The following DAPK3 variants were observed in gnomAD, a reference collection of about 807,000 sequenced individuals.
The protein encoded by DAPK3 is death-associated protein kinase 3.
Under a neutral mutation model 30.6 loss-of-function variants are expected in DAPK3, and 24 were observed. The observed-to-expected ratio is 0.78, with a 90% CI of 0.57 to 1.10. DAPK3 has a LOEUF of 1.10. Ranked by LOEUF, DAPK3 falls within the 50% of genes least tolerant of loss-of-function variation. The pLI, the probability that DAPK3 is intolerant of heterozygous loss-of-function variation, is 0.00. For missense variants in DAPK3, 629 were observed against 657.3 expected, an observed-to-expected ratio of 0.96 and a Z score of 0.47; for synonymous variants, 341 against 284.0, an observed-to-expected ratio of 1.20 and a Z score of -2.02.
At chr19:3,963,532 C>T (rs749617624) in intron 6 of DAPK3, 111 bp downstream of exon 6, 20 of 625,478 alleles carry the variant, frequency 3.2e-5, no homozygotes, top group Middle Eastern at 5.2e-4. Flanking sequence ...TGAGTACCCG[C>T]GATGGGTCAC....
chr19:3,961,583 G>A (rs2039515043), intron 6 of DAPK3: 13 of 469,384 alleles, frequency 2.8e-5, no homozygotes, highest in South Asian at 2.0e-4. Context: ...ACGCTGGGAG[G>A]GTGACACAGC....
Position 3,959,204 on chromosome 19 carries a change from TC to T in DAPK3, c.1261del (p.Glu421ArgfsTer7), listed in dbSNP as rs1274557069. The T allele has an allele frequency of 6.2e-7, 1 of 1,600,236 alleles. No individual in the cohort carries two copies. Among genetic ancestry groups the T allele is most frequent in the Non-Finnish European group, 8.5e-7 (1 of 1,177,794 alleles). On this transcript the variant is annotated frameshift_variant, in exon 9 of 9. Coordinates refer to ENST00000545797, the MANE Select transcript of DAPK3 (RefSeq NM_001348.3). LOFTEE classifies it low-confidence loss of function (END_TRUNC). ...GGAGGCTACTTGCTTGGCCAGCGCC[TC>T]GTAGCGGTTCTCCAGGCGGCTGAAG... is the stretch of plus-strand genomic sequence containing the variant. ...RRFSRLENRY[E>X]ALAKQVASEM...
At chr19:3,964,095 C>A (rs2039548157) in intron 4 of DAPK3, 149 bp downstream of exon 4, 1 of 839,080 alleles carries the variant, frequency 1.2e-6, no homozygotes, top group South Asian at 1.7e-5. Context: ...CAAATGGAGG[C>A]CCAGACCTCC....
In DAPK3 at chr19:3,964,935, G is replaced by T; in HGVS notation, c.119C>A (p.Ala40Glu). 1 of 1,612,154 alleles carries T rather than the reference G, an allele frequency of 6.2e-7. No individual in the cohort carries two copies. The highest frequency in any genetic ancestry group is 8.5e-7 in the Non-Finnish European group (1 of 1,178,658). The change falls in exon 3 of 9, where the codon GCA becomes GAA. Residue 40 changes from alanine to glutamate, a missense_variant. By Grantham distance (107) the Ala-to-Glu change is moderately radical. Around this residue, in one of 2 missense-constraint regions of DAPK3, gnomAD observed 306 missense variants for 378.5 expected, o/e 0.81. Transcript: ENST00000545797. ...CRQKGTGKEYAAKFIKKRRLS... is the reference protein window; with the variant it reads ...CRQKGTGKEYEAKFIKKRRLS... ...GCGGCGCTTCTTGATGAACTTGGCTGCGTACTCCTTGCCCGTGCCCTTCTG... is the reference window on the plus strand; with the variant it reads ...GCGGCGCTTCTTGATGAACTTGGCTTCGTACTCCTTGCCCGTGCCCTTCTG...
chr19:3,963,548 G>A (rs2039541168), intron 6 of DAPK3, 95 bp downstream of exon 6: 2 of 734,858 alleles, frequency 2.7e-6, no homozygotes, highest in South Asian at 1.8e-5. Context: ...GTCACAGCCA[G>A]GCTGGGGACC....
At position 3,961,175 on chromosome 19, in the gene DAPK3, G is replaced by T; in HGVS notation, c.630-14C>A. 1 of 1,607,108 alleles carries T rather than the reference G, an allele frequency of 6.2e-7. No homozygotes were observed. The highest frequency in any genetic ancestry group is 8.5e-7 in the Non-Finnish European group (1 of 1,176,990). ...GCACCGCTCAGGCTGCGAGACAGGC[G>T]TGGGGGCTCAGTGGGGTCCTGGGCT... On this transcript the variant is annotated splice_polypyrimidine_tract_variant and intron_variant, in intron 6 of 8. Transcript: ENST00000545797.
At chr19:3,969,871 C>A in intron 1 of DAPK3, 42 bp from the exon 2 acceptor site, 1 of 646,458 alleles carries the variant, frequency 1.5e-6, no homozygotes, top group Non-Finnish European at 2.8e-6. Context: ...AACTGAGACA[C>A]CACCCTTTTC....
rs752202554 is a variant in DAPK3, at chr19:3,959,387, T to C, written c.1079A>G (p.Tyr360Cys). The change falls in exon 9 of 9, where the codon TAC becomes TGC. Residue 360 changes from tyrosine (Y) to cysteine (C), a missense_variant. By Grantham distance (194) the Tyr-to-Cys change is radical. Coordinates refer to ENST00000545797, the MANE Select transcript of DAPK3 (RefSeq NM_001348.3). ...GCGGTACCAGGCCTCCTTCTCCTCG[T>C]AGATGGCGGCCAGCGCCTCCACGTC... ...HEDVEALAAI[Y>C]EEKEAWYREE... The C allele has an allele frequency of 6.4e-7, 1 of 1,573,918 alleles. No individual in the cohort carries two copies. Among genetic ancestry groups the C allele is most frequent in the South Asian group, 1.1e-5 (1 of 87,620 alleles).
chr19:3,960,268 T>TGG (rs1351537219), intron 7 of DAPK3, among the ~76,000 whole-genome samples, 164 bp from the exon 8 acceptor site: 1 of 151,948 alleles, frequency 6.6e-6, no homozygotes, highest in East Asian at 1.9e-4. Context: ...TGGGGTTTTC[T>TGG]GGGGGGTGGT....
At chr19:3,961,702 C>T (rs1164705378) in intron 6 of DAPK3, 1 of 356,150 alleles carries the variant, frequency 2.8e-6, no homozygotes, top group Non-Finnish European at 5.6e-6. Flanking sequence ...AAACACCTGA[C>T]CCGTGAGCAC....
Position 3,966,207 on chromosome 19 carries a change from G to A in DAPK3, c.63-1216C>T, listed in dbSNP as rs116341158. On this transcript the variant is annotated intron_variant, in intron 2 of 8. Transcript: ENST00000545797. ...AGGTGCTGCAGGCTCCAGAGCCCAG[G>A]TGCTCTAACAGGAAGCAGACAGCTG... Among the ~76,000 whole-genome samples, 1,169 of 152,260 alleles carry A rather than the reference G, an allele frequency of 7.7e-3. 19 individuals carry two copies. Among genetic ancestry groups the A allele is most frequent in the African/African-American group, 0.027 (1,115 of 41,548 alleles).
chr19:3,964,542 C>T lies in DAPK3; in HGVS notation c.423+89G>A, dbSNP rs553331630. On this transcript the variant is annotated intron_variant, in intron 3 of 8. Coordinates refer to ENST00000545797, the MANE Select transcript of DAPK3 (RefSeq NM_001348.3). ...CCACGCTCCCCACACCTCACCCCCA[C>T]GCGCAGGAGGTGCCTTCCAGGCTCT... The T allele has an allele frequency of 5.6e-6, 8 of 1,440,408 alleles. No individual in the cohort carries two copies. In the Admixed American group the frequency reaches 5.8e-5, roughly 10 times the overall value. 89.2% of individuals were successfully genotyped at this position (1,440,408 alleles called of 1,614,324 possible).
Position 3,963,937 on chromosome 19 carries a change from G to A in DAPK3, c.554-18C>T, listed in dbSNP as rs776129186. ...CTCTGGGGCTGCAGAACAGGGAGAT[G>A]TGGGTCAGGCACTGGGGACATGCTG... On this transcript the variant is annotated intron_variant, in intron 4 of 8. Coordinates refer to ENST00000545797, the MANE Select transcript of DAPK3 (RefSeq NM_001348.3). The A allele has an allele frequency of 1.3e-6, 2 of 1,569,066 alleles. No individual in the cohort carries two copies. The highest frequency in any genetic ancestry group is 1.8e-6 in the Non-Finnish European group (2 of 1,141,780).
intron 6 of DAPK3, among the ~76,000 whole-genome samples, chr19:3,963,034 G>C (rs1451296750): frequency 6.6e-6 from 1 of 151,974 alleles, no homozygotes; most frequent in Non-Finnish European, 1.5e-5. Flanking sequence ...CCTGGGAGGT[G>C]GGGGTTGCAG....
rs1045682427 is a variant in DAPK3, at chr19:3,960,161, G to A, written c.783-57C>T. 1.3e-5 allele frequency: 13 copies of A among 965,130 alleles called. No homozygotes were observed. In the South Asian group the frequency reaches 1.8e-4, roughly 13 times the overall value. The allele number at this position is 965,130 out of a possible 1,614,324, so 59.8% of individuals were successfully genotyped here. On this transcript the variant is annotated intron_variant, in intron 7 of 8. Transcript: ENST00000545797. ...TGCACCATCTGTCCCGTCCTCCCGT[G>A]AACAACTGACTCCCGGGACCCCCAA... is the stretch of plus-strand genomic sequence containing the variant.
chr19:3,968,908 G>C (rs192891074), intron 2 of DAPK3, among the ~76,000 whole-genome samples: 2 of 152,344 alleles, frequency 1.3e-5, no homozygotes, highest in African/African-American at 4.8e-5. Flanking sequence ...TGCCTGGCTA[G>C]TCTGGAGGGG....
intron 2 of DAPK3, among the ~76,000 whole-genome samples, chr19:3,967,108 G>A (rs2039586195): frequency 6.6e-6 from 1 of 152,152 alleles, no homozygotes; most frequent in Non-Finnish European, 1.5e-5. Flanking sequence ...ACCCAAGCGT[G>A]GCCTACACAC....
Position 3,969,824 on chromosome 19 carries a change from G to A in DAPK3, c.-89C>T, listed in dbSNP as rs1844764015. 1 of 865,758 alleles carries A rather than the reference G, an allele frequency of 1.2e-6. No individual in the cohort carries two copies. Among genetic ancestry groups the A allele is most frequent in the South Asian group, 1.4e-5 (1 of 73,432 alleles). The allele number at this position is 865,758 out of a possible 1,614,324, so 53.6% of individuals were successfully genotyped here. On this transcript the variant is annotated 5_prime_UTR_variant, in exon 2 of 9. Transcript: ENST00000545797. ...ATAGGACCTCAGGAGTCCCCTAATG[G>A]CAACCCTGGAGAAGACAGGGAAAGA... is the stretch of plus-strand genomic sequence containing the variant.
chr19:3,959,669 C>A (rs771327810), intron 8 of DAPK3, 32 bp from the exon 9 acceptor site: 1 of 1,523,288 alleles, frequency 6.6e-7, no homozygotes, highest in Non-Finnish European at 8.8e-7. Flanking sequence ...GCGGGGTCCC[C>A]GCGATGCCAC....
Sources: gnomAD v4.1 joint callset for allele counts (sites outside exome capture counted in the v4.1 genomes callset) on GRCh38, gnomAD v4.1.1 for gene constraint, gnomAD v4.1.1 regional missense constraint, MANE v1.5 for transcripts, NCBI Gene and HGNC (gene_info 2026-07-23, HGNC 2026-07-21) for gene names.